The following ADGRD1 variants were observed in gnomAD, a reference collection of about 807,000 sequenced individuals.
ADGRD1 encodes G-protein coupled receptor 133.
Under a neutral mutation model 113.4 loss-of-function variants are expected in ADGRD1, and 77 were observed. The ratio of observed to expected loss-of-function variants is 0.68; its 90% CI spans 0.57 to 0.82. The LOEUF is 0.82. Among genes scored for constraint, ADGRD1 ranks in the 40% least tolerant of loss-of-function variants. The pLI is 0.00. For missense variants in ADGRD1, 1,036 were observed against 1,139.1 expected (o/e 0.91, Z 1.30); for synonymous variants, 474 against 475.0 (o/e 1.00, Z 0.03).
chr12:130,972,244 C>T (rs945932538), intron 4 of ADGRD1, among the ~76,000 whole-genome samples: 1 of 152,166 alleles, frequency 6.6e-6, no homozygotes, highest in Non-Finnish European at 1.5e-5. Flanking sequence ...GGAAATTGTT[C>T]TCTGCCTTCC....
chr12:131,016,299 C>T (rs1566032263), intron 13 of ADGRD1, among the ~76,000 whole-genome samples: 3 of 152,244 alleles, frequency 2.0e-5, no homozygotes, highest in Non-Finnish European at 4.4e-5. Context: ...ACTGCCCTTC[C>T]CCCCTGCCCG....
intron 20 of ADGRD1, among the ~76,000 whole-genome samples, chr12:131,122,725 G>A (rs898437127): frequency 1.3e-5 from 2 of 152,130 alleles, no homozygotes; most frequent in East Asian, 1.9e-4. Context: ...AGAACCGCAG[G>A]GCCTGGGCAG....
intron 3 of ADGRD1, chr12:130,968,815 G>C: frequency 3.3e-6 from 2 of 601,692 alleles, no homozygotes; most frequent in Non-Finnish European, 5.9e-6. Flanking sequence ...GTAAACAAGG[G>C]TGGTGGAGGC....
chr12:131,111,371 C>A (rs761893145), intron 18 of ADGRD1, among the ~76,000 whole-genome samples: 6 of 151,922 alleles, frequency 3.9e-5, no homozygotes, highest in Non-Finnish European at 5.9e-5. Flanking sequence ...GGATTACAGG[C>A]GTGAGCCACC....
chr12:130,976,091 CT>C (rs111271075), intron 4 of ADGRD1, among the ~76,000 whole-genome samples: 21 of 152,322 alleles, frequency 1.4e-4, no homozygotes, highest in African/African-American at 4.3e-4. Flanking sequence ...TTTGAGTTGA[CT>C]TTTTCCCCCT....
At chr12:131,030,187 G>C (rs564724462) in intron 13 of ADGRD1, among the ~76,000 whole-genome samples, 1 of 143,220 alleles carries the variant, frequency 7.0e-6, no homozygotes, top group South Asian at 2.2e-4. Context: ...ACATTCCCAG[G>C]CTCTGGGGTT....
At chr12:130,994,401 T>A in intron 8 of ADGRD1, 1 of 272,172 alleles carries the variant, frequency 3.7e-6, no homozygotes, top group Middle Eastern at 5.2e-4. Flanking sequence ...GCCCTGCCTG[T>A]AGCTAAGGTA....
At chr12:131,034,830 C>T (rs1209936899) in intron 13 of ADGRD1, among the ~76,000 whole-genome samples, 44 of 152,254 alleles carry the variant, frequency 2.9e-4, no homozygotes, top group Non-Finnish European at 1.0e-4. Flanking sequence ...GTCACTGCAC[C>T]GGCTCCCGCT....
chr12:130,954,187 C>T lies in ADGRD1; in HGVS notation c.-279C>T, dbSNP rs987452684. 1.3e-5 allele frequency: 5 copies of T among 371,302 alleles called. No individual in the cohort carries two copies. The highest frequency in any genetic ancestry group is 6.3e-5 in the African/African-American group (3 of 47,940). 23.0% of individuals were successfully genotyped at this position (371,302 alleles called of 1,614,324 possible). ...ACCTGGGATTGCTTTCCCAGGACTG[C>T]GAGTCGGGTTTGGGTTTCTCCTCCC... On this transcript the variant is annotated 5_prime_UTR_variant, in exon 1 of 25. Transcript: ENST00000261654. The surrounding 1 kb of genome is among the most constrained non-coding windows in gnomAD (Gnocchi z 4.7).
intron 8 of ADGRD1, among the ~76,000 whole-genome samples, chr12:130,997,193 C>G (rs1875624255): frequency 7.1e-6 from 1 of 141,288 alleles, no homozygotes; most frequent in East Asian, 2.2e-4. Flanking sequence ...GGCTGACCCC[C>G]CCCCCCGGAC....
At chr12:131,038,477 C>G (rs926321825) in intron 13 of ADGRD1, among the ~76,000 whole-genome samples, 3 of 152,370 alleles carry the variant, frequency 2.0e-5, no homozygotes. Context: ...CCCACCCAGG[C>G]CCATCCAGCT....
intron 13 of ADGRD1, chr12:131,023,714 T>C (rs1287358089): frequency 6.6e-6 from 1 of 152,204 alleles, no homozygotes; most frequent in Non-Finnish European, 1.5e-5. Flanking sequence ...TCATGGGCAT[T>C]TAAGTTGTTA....
intron 13 of ADGRD1, among the ~76,000 whole-genome samples, chr12:131,053,628 T>A (rs889279962): frequency 6.6e-6 from 1 of 152,190 alleles, no homozygotes; most frequent in African/African-American, 2.4e-5. Flanking sequence ...AGAATGGTGC[T>A]AATCAACATG....
At chr12:131,059,424 G>GC (rs529439771) in intron 13 of ADGRD1, among the ~76,000 whole-genome samples, 114 of 152,256 alleles carry the variant, frequency 7.5e-4, no homozygotes, top group Non-Finnish European at 1.3e-3. Flanking sequence ...TAAGTGATCT[G>GC]CCCCCCTCGG....
chr12:130,996,864 T>G (rs370246849), intron 8 of ADGRD1, among the ~76,000 whole-genome samples: 7 of 61,490 alleles, frequency 1.1e-4, no homozygotes, highest in East Asian at 5.4e-4. Flanking sequence ...CCGGACGGGG[T>G]GGCTGGCCGG....
chr12:131,117,923 G>A (rs995836705), intron 18 of ADGRD1, among the ~76,000 whole-genome samples: 1 of 152,220 alleles, frequency 6.6e-6, no homozygotes, highest in Admixed American at 6.5e-5. Context: ...CTTGTGCATT[G>A]TAGGGTGTTT....
rs1277667693 is a variant in ADGRD1 at position 130,966,314 on chromosome 12, G to A, written c.104-149G>A. 4.4e-5 allele frequency: 25 copies of A among 574,172 alleles called. No individual in the cohort carries two copies. Among genetic ancestry groups the A allele is most frequent in the South Asian group, 3.1e-4 (14 of 45,672 alleles). The allele number at this position is 574,172 out of a possible 1,614,324, so 35.6% of individuals were successfully genotyped here. ...TTTCTTTTTCTAACCAAGAGTGTGT[G>A]TTGAATTTTATTAAATATGCTTTCA... On this transcript the variant is annotated intron_variant, in intron 2 of 24. Transcript: ENST00000261654. The surrounding 1 kb of genome is among the most constrained non-coding windows in gnomAD (Gnocchi z 4.6).
At chr12:131,046,514 C>A (rs1882812291) in intron 13 of ADGRD1, among the ~76,000 whole-genome samples, 2 of 146,570 alleles carry the variant, frequency 1.4e-5, no homozygotes, top group African/African-American at 2.6e-5. Flanking sequence ...AGTGCCCCCT[C>A]CCTGGTCAAT....
At chr12:131,039,501 A>G (rs1881896372) in intron 13 of ADGRD1, among the ~76,000 whole-genome samples, 1 of 152,258 alleles carries the variant, frequency 6.6e-6, no homozygotes, top group Non-Finnish European at 1.5e-5. Flanking sequence ...AAGATTGTTC[A>G]AAGACAAATG....
Sources: gnomAD v4.1 joint callset for allele counts (sites outside exome capture counted in the v4.1 genomes callset) on GRCh38, gnomAD v4.1.1 for gene constraint, Gnocchi (gnomAD v3.1) non-coding constraint, MANE v1.5 for transcripts, NCBI Gene and HGNC (gene_info 2026-07-23, HGNC 2026-07-21) for gene names.